Variants in AR observed in about 807,000 individuals in gnomAD.
AR encodes dihydrotestosterone receptor.
A neutral mutation model predicts 53.9 loss-of-function variants in AR; 8 were observed. The ratio of observed to expected loss-of-function variants is 0.15; its 90% confidence interval spans 0.09 to 0.27. The LOEUF (loss-of-function observed/expected upper bound fraction) is 0.27, where lower values mean the gene tolerates loss of function less well. Ranked by LOEUF, AR falls within the 10% of genes least tolerant of loss-of-function variation. The pLI, the probability that AR is intolerant of heterozygous loss-of-function variation, is 1.00. For missense variants in AR, 639 were observed against 742.5 expected, an observed-to-expected ratio of 0.86 and a Z score of 1.62; for synonymous variants, 359 against 316.4, an observed-to-expected ratio of 1.13 and a Z score of -1.43.
intron 3 of AR, chrX:67,695,633 G>A (rs766768891): frequency 4.0e-5 from 30 of 750,874 alleles, no homozygotes; most frequent in Non-Finnish European, 1.7e-5. Flanking sequence ...TCTTTCTAGT[G>A]GAGAAGTGGA....
intron 1 of AR, among the ~76,000 whole-genome samples, chrX:67,640,750 C>G (rs1925713469): frequency 2.7e-5 from 3 of 110,228 alleles, no homozygotes; most frequent in African/African-American, 9.9e-5. Flanking sequence ...ACAAAATAGA[C>G]TGTTTATCTG....
At chrX:67,641,667 T>C (rs1925771771) in intron 1 of AR, among the ~76,000 whole-genome samples, 1 of 111,204 alleles carries the variant, frequency 9.0e-6, no homozygotes, top group Non-Finnish European at 1.9e-5. Context: ...GGAATGAAGA[T>C]AGGCCATGAT....
At position 67,639,579 on chromosome X, in the gene AR, A is replaced by T. The variant is rs138314446; in HGVS notation, c.1617-3677A>T. ...CTACATATTTTATTCTGTTTGTAGC[A>T]ATTGTGAATGGGAGTTCACTCATGA... On this transcript the variant is annotated intron_variant, in intron 1 of 7. Coordinates refer to ENST00000374690, the MANE Select transcript of AR (RefSeq NM_000044.6). 8.1e-3 allele frequency among the ~76,000 whole-genome samples: 904 copies of T among 111,420 alleles called. 7 individuals are homozygous for T. Among genetic ancestry groups the T allele is most frequent in the African/African-American group, 0.028 (863 of 30,623 alleles).
intron 1 of AR, among the ~76,000 whole-genome samples, chrX:67,585,588 G>A (rs149629273): frequency 8.9e-6 from 1 of 112,493 alleles, no homozygotes; most frequent in Non-Finnish European, 1.9e-5. Flanking sequence ...CAATAAGCTT[G>A]CAGTACAGTG....
intron 7 of AR, 63 bp downstream of exon 7, chrX:67,723,047 G>A (rs2147538630): frequency 8.6e-7 from 1 of 1,166,824 alleles, no homozygotes; most frequent in South Asian, 1.8e-5. Flanking sequence ...ATGATAATAT[G>A]CTTCTCTAGA....
intron 2 of AR, among the ~76,000 whole-genome samples, chrX:67,659,382 C>A (rs1192597812): frequency 1.8e-5 from 2 of 110,523 alleles, no homozygotes; most frequent in Non-Finnish European, 3.8e-5. Context: ...CTCTCCCCAC[C>A]ACAGGCCCTA....
chrX:67,619,889 T>C (rs1787029308), intron 1 of AR, among the ~76,000 whole-genome samples: 1 of 110,340 alleles, frequency 9.1e-6, no homozygotes, highest in Non-Finnish European at 1.9e-5. Context: ...TGTTGAGGAG[T>C]GAGACACTTC....
intron 2 of AR, among the ~76,000 whole-genome samples, chrX:67,676,814 C>T (rs971150575): frequency 9.0e-6 from 1 of 111,709 alleles, no homozygotes; most frequent in Admixed American, 9.5e-5. Context: ...ATCCCATCAC[C>T]CTTAAAACTT....
chrX:67,687,932 C>A (rs1315003353), intron 3 of AR, among the ~76,000 whole-genome samples: 1 of 112,343 alleles, frequency 8.9e-6, no homozygotes, highest in Non-Finnish European at 1.9e-5. Flanking sequence ...TTACAGTGAA[C>A]CACTTTTGAA....
chrX:67,643,945 TA>T (rs888898069), intron 2 of AR, among the ~76,000 whole-genome samples: 4 of 111,914 alleles, frequency 3.6e-5, no homozygotes, highest in Non-Finnish European at 7.5e-5. Context: ...GTCTTTGCAT[TA>T]ATAGTTCCTA....
intron 1 of AR, among the ~76,000 whole-genome samples, chrX:67,591,737 A>G (rs1344562531): frequency 1.8e-5 from 2 of 111,854 alleles, no homozygotes; most frequent in Non-Finnish European, 3.8e-5. Context: ...GAGCCACGAG[A>G]TAAAAACTCC....
chrX:67,604,736 T>A (rs1017750354), intron 1 of AR, among the ~76,000 whole-genome samples: 5 of 111,860 alleles, frequency 4.5e-5, no homozygotes, highest in African/African-American at 1.3e-4. Context: ...ACATGAAAGT[T>A]TCATACCCTC....
chrX:67,544,850 T>C lies in AR; in HGVS notation c.-297T>C. ...TGAATTTGGAAGGTGGAGGATTTTG[T>C]TTTTTTCTTTTAAGATCTGGGCATC... On this transcript the variant is annotated 5_prime_UTR_variant, in exon 1 of 8. Coordinates refer to ENST00000374690, the MANE Select transcript of AR (RefSeq NM_000044.6). The C allele has an allele frequency of 3.9e-6, 1 of 259,422 alleles. No homozygotes were observed. Among genetic ancestry groups the C allele is most frequent in the Non-Finnish European group, 6.8e-6 (1 of 146,517 alleles). The allele number at this position is 259,422 out of a possible 1,213,427, so 21.4% of individuals were successfully genotyped here.
At chrX:67,662,604 A>T (rs748573518) in intron 2 of AR, among the ~76,000 whole-genome samples, 1 of 111,348 alleles carries the variant, frequency 9.0e-6, no homozygotes, top group South Asian at 3.8e-4. Context: ...GGAGTGCTTT[A>T]CTTCCAACTA....
At chrX:67,655,340 C>CT (rs1926536087) in intron 2 of AR, among the ~76,000 whole-genome samples, 1 of 111,307 alleles carries the variant, frequency 9.0e-6, no homozygotes. Context: ...CTACTCCCCA[C>CT]TTTTTTGCAT....
At chrX:67,660,987 G>A (rs889897675) in intron 2 of AR, among the ~76,000 whole-genome samples, 11 of 111,611 alleles carry the variant, frequency 9.9e-5, no homozygotes, top group African/African-American at 3.3e-4. Flanking sequence ...TTGCAAATGG[G>A]AGTTCACTCA....
chrX:67,599,509 T>G (rs1028427800), intron 1 of AR, among the ~76,000 whole-genome samples: 95 of 111,870 alleles, frequency 8.5e-4, no homozygotes, highest in African/African-American at 2.9e-3. Context: ...GTTACCAGAA[T>G]GTAAGCTTCT....
chrX:67,692,866 C>T (rs191940930), intron 3 of AR, among the ~76,000 whole-genome samples: 1 of 111,722 alleles, frequency 9.0e-6, no homozygotes, highest in Non-Finnish European at 1.9e-5. Flanking sequence ...CTGTAAATTA[C>T]CCTTGAAACA....
intron 2 of AR, among the ~76,000 whole-genome samples, chrX:67,672,771 G>T (rs2075873937): frequency 1.8e-5 from 2 of 111,202 alleles, no homozygotes; most frequent in East Asian, 5.7e-4. Flanking sequence ...TTCTACTCAA[G>T]ATATGAGTAG....
Sources: gnomAD v4.1 joint callset for allele counts (sites outside exome capture counted in the v4.1 genomes callset) on GRCh38, gnomAD v4.1.1 for gene constraint, MANE v1.5 for transcripts, NCBI Gene and HGNC (gene_info 2026-07-23, HGNC 2026-07-21) for gene names.